TANC2: variants seen among roughly 807,000 people sequenced by gnomAD.
TANC2 encodes tetratricopeptide repeat, ankyrin repeat and coiled-coil containing 2, also known as protein TANC2.
TANC2 carries 26 observed loss-of-function variants against 210.5 expected under a neutral mutation model. The observed-to-expected ratio is 0.12, with a 90% CI of 0.09 to 0.17. The LOEUF (loss-of-function observed/expected upper bound fraction) is 0.17, where lower values mean the gene tolerates loss of function less well. Ranked by LOEUF, TANC2 falls within the 10% of genes least tolerant of loss-of-function variation. TANC2 has a pLI of 1.00. For missense variants in TANC2, 2,129 were observed against 2,608.9 expected (o/e 0.82, Z 4.01); for synonymous variants, 931 against 967.1 (o/e 0.96, Z 0.69).
chr17:63,229,501 C>T (rs189134942), intron 7 of TANC2, among the ~76,000 whole-genome samples: 2 of 150,814 alleles, frequency 1.3e-5, no homozygotes, highest in Non-Finnish European at 2.9e-5. Flanking sequence ...CAAACAGTAC[C>T]AGCAACTCTT....
chr17:63,398,961 G>T, intron 19 of TANC2, 47 bp downstream of exon 19: 1 of 1,393,476 alleles, frequency 7.2e-7, no homozygotes, highest in South Asian at 1.3e-5. Context: ...TGTTTGTGTG[G>T]ACTCTCGAAT....
At chr17:63,173,592 TC>T (rs1225632168) in intron 5 of TANC2, among the ~76,000 whole-genome samples, 2 of 152,206 alleles carry the variant, frequency 1.3e-5, no homozygotes, top group Non-Finnish European at 2.9e-5. Flanking sequence ...CTGAAGCCTT[TC>T]CTTTTTTCTA....
At chr17:63,426,181 T>G (rs1168946881) in exon 28 of TANC2, 1 of 152,326 alleles carries the variant, frequency 6.6e-6, no homozygotes, top group African/African-American at 2.4e-5. Context: ...CACCGAGGGC[T>G]GTGCGGTCCT....
At chr17:63,049,605 T>C (rs1302138524) in intron 2 of TANC2, among the ~76,000 whole-genome samples, 1 of 151,960 alleles carries the variant, frequency 6.6e-6, no homozygotes, top group Non-Finnish European at 1.5e-5. Context: ...GTCAGAGAGG[T>C]AATAGGGGCC....
At chr17:63,104,970 A>C (rs1007270130) in intron 4 of TANC2, among the ~76,000 whole-genome samples, 1 of 151,626 alleles carries the variant, frequency 6.6e-6, no homozygotes, top group Non-Finnish European at 1.5e-5. Flanking sequence ...AGTACATGTA[A>C]AGCACGTAAG....
At chr17:62,990,949 A>G (rs1327412815) in intron 1 of TANC2, among the ~76,000 whole-genome samples, 1 of 152,222 alleles carries the variant, frequency 6.6e-6, no homozygotes, top group Non-Finnish European at 1.5e-5. Context: ...ACTGACTAAA[A>G]AAGCAGTAGA....
intron 2 of TANC2, among the ~76,000 whole-genome samples, chr17:63,036,686 TC>T (rs1297086739): frequency 6.6e-6 from 1 of 152,160 alleles, no homozygotes; most frequent in Non-Finnish European, 1.5e-5. Flanking sequence ...AATCTATAGA[TC>T]AACTGGGATA....
At chr17:63,203,981 T>C (rs1176574646) in intron 7 of TANC2, among the ~76,000 whole-genome samples, 1 of 152,216 alleles carries the variant, frequency 6.6e-6, no homozygotes, top group Non-Finnish European at 1.5e-5. Context: ...TTTGGCTTCC[T>C]TCTGTAGATA....
chr17:63,002,880 G>T (rs1257681143), intron 1 of TANC2, among the ~76,000 whole-genome samples: 1 of 152,168 alleles, frequency 6.6e-6, no homozygotes, highest in Non-Finnish European at 1.5e-5. Flanking sequence ...TTATTCGTCT[G>T]TTGATGGACA....
At chr17:63,303,082 G>A (rs2044775517) in intron 9 of TANC2, among the ~76,000 whole-genome samples, 1 of 152,076 alleles carries the variant, frequency 6.6e-6, no homozygotes, top group Non-Finnish European at 1.5e-5. Context: ...TTTAATTGGG[G>A]CATTTAGTCC....
chr17:63,186,809 CA>C (rs2041004817), intron 5 of TANC2, among the ~76,000 whole-genome samples: 1 of 152,128 alleles, frequency 6.6e-6, no homozygotes, highest in African/African-American at 2.4e-5. Flanking sequence ...AAAATAAAAC[CA>C]AGAACTACAA....
At chr17:63,108,914 C>A (rs2037927585) in intron 4 of TANC2, among the ~76,000 whole-genome samples, 1 of 151,152 alleles carries the variant, frequency 6.6e-6, no homozygotes, top group African/African-American at 2.4e-5. Flanking sequence ...CATTGAAAAT[C>A]AAAATAGAAT....
At chr17:63,344,020 A>G (rs927362122) in intron 12 of TANC2, among the ~76,000 whole-genome samples, 22 of 152,234 alleles carry the variant, frequency 1.4e-4, no homozygotes, top group African/African-American at 4.8e-4. Context: ...GGGGTCCCCA[A>G]TCCCTGGGCC....
intron 8 of TANC2, among the ~76,000 whole-genome samples, chr17:63,265,350 G>GA (rs2146255038): frequency 6.6e-6 from 1 of 152,258 alleles, no homozygotes; most frequent in East Asian, 1.9e-4. Flanking sequence ...TCAGGGAAGG[G>GA]ATACTCAACC....
At chr17:63,268,712 A>T (rs184552115) in intron 9 of TANC2, among the ~76,000 whole-genome samples, 5 of 152,264 alleles carry the variant, frequency 3.3e-5, no homozygotes, top group Admixed American at 2.6e-4. Context: ...TACACAACCT[A>T]TCCTTTTCTC....
At chr17:63,035,394 G>T (rs547830303) in intron 2 of TANC2, among the ~76,000 whole-genome samples, 5 of 152,140 alleles carry the variant, frequency 3.3e-5, no homozygotes, top group African/African-American at 4.8e-5. Flanking sequence ...GCTTTATTGC[G>T]ATCTTCATTT....
At chr17:63,132,256 A>G (rs575582795) in intron 4 of TANC2, among the ~76,000 whole-genome samples, 1 of 151,620 alleles carries the variant, frequency 6.6e-6, no homozygotes, top group East Asian at 1.9e-4. Flanking sequence ...TTTTTTTCGA[A>G]TCTTAAACAA....
chr17:63,250,702 C>T (rs1390297839), intron 8 of TANC2, among the ~76,000 whole-genome samples: 4 of 152,092 alleles, frequency 2.6e-5, no homozygotes, highest in African/African-American at 9.7e-5. Flanking sequence ...ATATGCCAGG[C>T]ACTGTTCAAA....
At chr17:63,318,317 T>TA (rs998741356) in intron 10 of TANC2, among the ~76,000 whole-genome samples, 2 of 152,210 alleles carry the variant, frequency 1.3e-5, no homozygotes, top group African/African-American at 4.8e-5. Context: ...AAAAAAATCT[T>TA]AAAACAGTTT....
Sources: allele counts gnomAD v4.1 joint callset (sites outside exome capture counted in the v4.1 genomes callset), GRCh38; gene constraint gnomAD v4.1.1; transcripts MANE v1.5; gene names NCBI Gene and HGNC (gene_info 2026-07-23, HGNC 2026-07-21).